Variants in CHODL observed in about 807,000 individuals in gnomAD.
CHODL encodes the protein transmembrane protein MT75.
CHODL carries 29 observed loss-of-function variants against 34.5 expected under a neutral mutation model. The ratio of observed to expected loss-of-function variants is 0.84; its 90% CI spans 0.63 to 1.15. CHODL has a LOEUF of 1.15. CHODL is among the 50% of genes most tolerant of loss of function. The pLI, the probability that CHODL is intolerant of heterozygous loss-of-function variation, is 0.00. For missense variants in CHODL, 332 were observed against 332.5 expected, an observed-to-expected ratio of 1.00 and a Z score of 0.01; for synonymous variants, 125 against 116.1, an observed-to-expected ratio of 1.08 and a Z score of -0.49.
chr21:18,192,494 C>T (rs1027059208), intron 2 of CHODL, among the ~76,000 whole-genome samples: 1 of 152,080 alleles, frequency 6.6e-6, no homozygotes, highest in African/African-American at 2.4e-5. Context: ...AGGCAAAAGT[C>T]CTATCTTTAG....
chr21:18,167,784 A>G (rs115197104), intron 2 of CHODL, among the ~76,000 whole-genome samples: 2,134 of 152,254 alleles, frequency 0.014, 27 homozygotes, highest in East Asian at 0.028. Flanking sequence ...GAGAAACCTG[A>G]GACCTGGTGT....
intron 2 of CHODL, among the ~76,000 whole-genome samples, chr21:18,068,780 C>CT (rs60581304): frequency 0.012 from 1,659 of 141,146 alleles, 17 homozygotes; most frequent in African/African-American, 0.031. Context: ...AAGGAAATTT[C>CT]TTTTTTTTTT....
At chr21:18,008,173 G>GTA (rs888272356) in intron 1 of CHODL, among the ~76,000 whole-genome samples, 4 of 151,406 alleles carry the variant, frequency 2.6e-5, no homozygotes, top group Admixed American at 2.6e-4. Context: ...CTTTATTGAA[G>GTA]TATATACTTG....
intron 2 of CHODL, among the ~76,000 whole-genome samples, chr21:18,039,344 G>C (rs1296147542): frequency 6.6e-6 from 1 of 151,686 alleles, no homozygotes; most frequent in Non-Finnish European, 1.5e-5. Context: ...GTAGTTAGGG[G>C]TAGGGATTGT....
chr21:17,932,807 G>A (rs1054368815), intron 1 of CHODL, among the ~76,000 whole-genome samples: 3 of 152,144 alleles, frequency 2.0e-5, no homozygotes, highest in Non-Finnish European at 2.9e-5. Flanking sequence ...CAGAGACAAA[G>A]TATGGAGAAA....
intron 2 of CHODL, among the ~76,000 whole-genome samples, chr21:18,129,070 TA>T (rs1185887471): frequency 1.3e-5 from 2 of 151,806 alleles, no homozygotes; most frequent in Non-Finnish European, 2.9e-5. Flanking sequence ...TTTAAAAACC[TA>T]TTTTATATTT....
chr21:18,242,121 C>T (rs1478997197), upstream of CHODL, among the ~76,000 whole-genome samples: 1 of 152,040 alleles, frequency 6.6e-6, no homozygotes, highest in East Asian at 1.9e-4. Flanking sequence ...CAATTCCTCA[C>T]ATAACCCTAA....
chr21:18,090,499 A>G (rs569386995), intron 2 of CHODL, among the ~76,000 whole-genome samples: 9 of 152,298 alleles, frequency 5.9e-5, no homozygotes, highest in African/African-American at 1.7e-4. Context: ...CAGGTAATAG[A>G]AGATAACTTA....
chr21:17,925,107 G>A (rs975689114), intron 1 of CHODL, among the ~76,000 whole-genome samples: 5 of 152,204 alleles, frequency 3.3e-5, no homozygotes, highest in Non-Finnish European at 7.3e-5. Context: ...GGGCACTAGT[G>A]GCCGTGTGGG....
At chr21:17,991,148 A>G (rs2063793957) in intron 1 of CHODL, among the ~76,000 whole-genome samples, 2 of 152,018 alleles carry the variant, frequency 1.3e-5, no homozygotes, top group Admixed American at 6.5e-5. Context: ...TTTCTTTTCC[A>G]TGGCTGAGTA....
chr21:18,265,945 G>T lies in CHODL; in HGVS notation c.738-9G>T, dbSNP rs758248997. On this transcript the variant is annotated splice_polypyrimidine_tract_variant and intron_variant, in intron 5 of 5. Coordinates refer to ENST00000299295, the MANE Select transcript of CHODL (RefSeq NM_024944.3). ...TTAGGCACTAAACATTTTTTCTTAT[G>T]TTTTTCAGTAAAGGAAGAACAAAAA... The T allele has an allele frequency of 2.5e-6, 4 of 1,604,428 alleles. No individual in the cohort carries two copies. Among genetic ancestry groups the T allele is most frequent in the Admixed American group, 3.4e-5 (2 of 58,240 alleles).
At chr21:18,128,932 T>C (rs969798977) in intron 2 of CHODL, among the ~76,000 whole-genome samples, 2 of 152,158 alleles carry the variant, frequency 1.3e-5, no homozygotes, top group Non-Finnish European at 2.9e-5. Flanking sequence ...AAAATCAAAG[T>C]GAAACCTTTT....
chr21:18,004,822 TAAA>T (rs1369189634), intron 1 of CHODL, among the ~76,000 whole-genome samples: 1 of 139,938 alleles, frequency 7.1e-6, no homozygotes, highest in African/African-American at 2.7e-5. Flanking sequence ...TTAAATGAGG[TAAA>T]AAATTGCAAA....
rs548091783 is a variant in CHODL at position 18,234,612 on chromosome 21, C to T, written c.-44-21897C>T. 2.0e-5 allele frequency among the ~76,000 whole-genome samples: 3 copies of T among 152,146 alleles called. No homozygotes were observed. In the South Asian group the frequency reaches 6.2e-4, roughly 32 times the overall value. ...AAAAGGGGAGGCAGGGAACAATCCA[C>T]CCCTTTACCTTTGATTACCAGAAGT... On this transcript the variant is annotated intron_variant, in intron 2 of 6. Coordinates refer to the CHODL transcript ENST00000400127.
chr21:18,239,473 TG>T (rs1368344933), intron 2 of CHODL, among the ~76,000 whole-genome samples: 4 of 151,926 alleles, frequency 2.6e-5, no homozygotes, highest in Admixed American at 2.6e-4. Flanking sequence ...TAACTTTATA[TG>T]TCAGCTCACA....
intron 1 of CHODL, among the ~76,000 whole-genome samples, chr21:17,931,108 C>T (rs1206395055): frequency 6.6e-6 from 1 of 152,194 alleles, no homozygotes; most frequent in Non-Finnish European, 1.5e-5. Flanking sequence ...AACCTTGGCA[C>T]ATTTCACCAG....
chr21:18,171,331 C>A (rs1033927992), intron 2 of CHODL, among the ~76,000 whole-genome samples: 2 of 148,394 alleles, frequency 1.3e-5, no homozygotes, highest in African/African-American at 2.5e-5. Context: ...CTCAGCCTCC[C>A]GAGTAGCTGG....
chr21:17,947,972 TAAC>T (rs2063425688), intron 1 of CHODL, among the ~76,000 whole-genome samples: 1 of 152,118 alleles, frequency 6.6e-6, no homozygotes, highest in Non-Finnish European at 1.5e-5. Flanking sequence ...TACTTAGCCA[TAAC>T]AAACAATGAA....
intron 1 of CHODL, among the ~76,000 whole-genome samples, chr21:17,973,683 G>A (rs558126718): frequency 1.3e-5 from 2 of 151,022 alleles, no homozygotes; most frequent in South Asian, 2.1e-4. Flanking sequence ...GCCTCCCAGC[G>A]TGCTGGGATC....
Sources: gnomAD v4.1 joint callset for allele counts (sites outside exome capture counted in the v4.1 genomes callset) on GRCh38, gnomAD v4.1.1 for gene constraint, MANE v1.5 for transcripts, NCBI Gene and HGNC (gene_info 2026-07-23, HGNC 2026-07-21) for gene names.